Variants in XIRP2 observed in about 807,000 individuals in gnomAD.
The protein encoded by XIRP2 is xin actin binding repeat containing 2, also known as xin actin-binding repeat-containing protein 2.
XIRP2 carries 236 observed loss-of-function variants against 277.0 expected under a neutral mutation model. The observed-to-expected ratio is 0.85, with a 90% CI of 0.77 to 0.95. The LOEUF is 0.95. XIRP2 is among the 40% of genes least tolerant of loss of function. The pLI, the probability that XIRP2 is intolerant of heterozygous loss-of-function variation, is 0.00. For missense variants in XIRP2, 4,640 were observed against 4,157.5 expected (o/e 1.12, Z -3.19); for synonymous variants, 1,490 against 1,416.5 (o/e 1.05, Z -1.17).
chr2:166,956,675 TTGATTCTC>T (rs1246573159), intron 2 of XIRP2, among the ~76,000 whole-genome samples: 1 of 151,836 alleles, frequency 6.6e-6, no homozygotes, highest in African/African-American at 2.4e-5. Flanking sequence ...CCACGTAGCT[TTGATTCTC>T]ATACATCCTC....
At chr2:166,966,003 G>A (rs1370546033) in intron 2 of XIRP2, among the ~76,000 whole-genome samples, 3 of 151,612 alleles carry the variant, frequency 2.0e-5, no homozygotes, top group Non-Finnish European at 4.4e-5. Flanking sequence ...TATTTTTAAA[G>A]TACAAATAAA....
At chr2:167,092,901 G>A (rs1202780063) in intron 2 of XIRP2, among the ~76,000 whole-genome samples, 1 of 151,958 alleles carries the variant, frequency 6.6e-6, no homozygotes, top group African/African-American at 2.4e-5. Context: ...AAGACTGCAG[G>A]AACAAATTAT....
At chr2:167,149,128 T>G (rs575355706) in intron 3 of XIRP2, among the ~76,000 whole-genome samples, 4 of 152,208 alleles carry the variant, frequency 2.6e-5, no homozygotes, top group East Asian at 3.9e-4. Flanking sequence ...TAATTTTATC[T>G]CCCAGGAATT....
chr2:167,096,480 C>T (rs955366657), intron 2 of XIRP2, among the ~76,000 whole-genome samples: 2 of 151,670 alleles, frequency 1.3e-5, no homozygotes, highest in Non-Finnish European at 2.9e-5. Context: ...TCTATTTTGC[C>T]AATCTTTTCA....
At chr2:167,037,264 T>C (rs1243871318) in intron 2 of XIRP2, among the ~76,000 whole-genome samples, 1 of 152,156 alleles carries the variant, frequency 6.6e-6, no homozygotes, top group Non-Finnish European at 1.5e-5. Flanking sequence ...ATTCTTCTCC[T>C]CAACACATGG....
intron 3 of XIRP2, among the ~76,000 whole-genome samples, chr2:167,191,953 A>G (rs1225681990): frequency 6.6e-6 from 1 of 151,044 alleles, no homozygotes; most frequent in Non-Finnish European, 1.5e-5. Context: ...CAAAGATCCA[A>G]TGCATCTTCC....
At position 167,246,461 on chromosome 2, in the gene XIRP2, C is replaced by T. The variant is rs184983098; in HGVS notation, c.5069C>T (p.Thr1690Ile). ...GATGAAAAAGGAGATATTAACATGA[C>T]TATCTATTGTCTTCTTCATGAAAAT... ...QEDEKGDINM[T>I]IYCLLHENDG... The change falls in exon 9 of 11, where the codon ACT becomes ATT. Residue 1690 changes from threonine (T) to isoleucine (I), a missense_variant. Physicochemically the swap from Thr to Ile is moderately conservative, Grantham distance 89. Transcript: ENST00000409195. 3.0e-3 allele frequency: 4,813 copies of T among 1,613,552 alleles called. 17 individuals carry two copies. The highest frequency in any genetic ancestry group is 3.5e-3 in the Non-Finnish European group (4,088 of 1,179,632).
chr2:167,144,008 A>G (rs182274849), intron 3 of XIRP2, among the ~76,000 whole-genome samples: 1 of 152,086 alleles, frequency 6.6e-6, no homozygotes, highest in Non-Finnish European at 1.5e-5. Flanking sequence ...TTCATTATAG[A>G]CATTTAATAT....
chr2:166,950,720 A>G (rs1337729351), intron 2 of XIRP2, among the ~76,000 whole-genome samples: 1 of 152,026 alleles, frequency 6.6e-6, no homozygotes, highest in Non-Finnish European at 1.5e-5. Flanking sequence ...TTGTTTGTTC[A>G]GTTTAGAATG....
intron 2 of XIRP2, among the ~76,000 whole-genome samples, chr2:167,026,668 A>T (rs1558953016): frequency 6.6e-6 from 1 of 152,160 alleles, no homozygotes; most frequent in African/African-American, 2.4e-5. Context: ...AAAATCTCTC[A>T]GCATTTGCTT....
intron 5 of XIRP2, among the ~76,000 whole-genome samples, chr2:167,236,429 A>G (rs1559033850): frequency 6.6e-6 from 1 of 152,054 alleles, no homozygotes; most frequent in East Asian, 1.9e-4. Flanking sequence ...TATCAACAAT[A>G]GATTTTTGTG....
intron 2 of XIRP2, among the ~76,000 whole-genome samples, chr2:166,922,881 G>A (rs1311672964): frequency 6.8e-6 from 1 of 146,868 alleles, no homozygotes. Flanking sequence ...ATTTTACTTA[G>A]TGTAATGATT....
intron 2 of XIRP2, among the ~76,000 whole-genome samples, chr2:166,938,905 G>C (rs1240419931): frequency 3.3e-5 from 5 of 152,062 alleles, no homozygotes; most frequent in African/African-American, 1.2e-4. Flanking sequence ...TCCAAGACTA[G>C]GATTGCAACC....
intron 2 of XIRP2, among the ~76,000 whole-genome samples, chr2:167,122,246 C>T (rs553506751): frequency 5.0e-4 from 76 of 152,198 alleles, no homozygotes; most frequent in African/African-American, 1.7e-3. Context: ...GTTGGACATA[C>T]GAGTTTTAAC....
intron 2 of XIRP2, among the ~76,000 whole-genome samples, chr2:166,905,732 A>G (rs1209401666): frequency 6.6e-6 from 1 of 151,940 alleles, no homozygotes; most frequent in African/African-American, 2.4e-5. Context: ...ATGTTTGCAA[A>G]CTTATTTTCT....
intron 10 of XIRP2, among the ~76,000 whole-genome samples, chr2:167,255,311 G>A (rs1004616460): frequency 6.6e-6 from 1 of 151,728 alleles, no homozygotes; most frequent in Non-Finnish European, 1.5e-5. Context: ...TTTCTCATAA[G>A]TACAGCAAAC....
At chr2:167,004,351 G>A (rs1473042) in intron 2 of XIRP2, among the ~76,000 whole-genome samples, 79,634 of 151,618 alleles carry the variant, frequency 0.53, 22,950 homozygotes, top group East Asian at 0.82. Context: ...TAAATGGCAG[G>A]ACCATTTGAC....
At chr2:166,940,642 G>C (rs185342329) in intron 2 of XIRP2, among the ~76,000 whole-genome samples, 35 of 152,298 alleles carry the variant, frequency 2.3e-4, no homozygotes, top group South Asian at 2.3e-3. Flanking sequence ...TATCCTTTCT[G>C]TTTGTTAGTT....
At chr2:167,200,165 C>T (rs187763845) in intron 3 of XIRP2, among the ~76,000 whole-genome samples, 86 of 152,260 alleles carry the variant, frequency 5.6e-4, no homozygotes, top group African/African-American at 1.8e-3. Flanking sequence ...TTTTTCAACA[C>T]ATGGGTACTA....
Sources: gnomAD v4.1 joint callset for allele counts (sites outside exome capture counted in the v4.1 genomes callset) on GRCh38, gnomAD v4.1.1 for gene constraint, MANE v1.5 for transcripts, NCBI Gene and HGNC (gene_info 2026-07-23, HGNC 2026-07-21) for gene names.